Variants in RNLS observed in about 807,000 individuals in gnomAD.
RNLS encodes the protein renalase.
RNLS carries 39 observed loss-of-function variants against 39.8 expected under a neutral mutation model. That is an observed-to-expected ratio of 0.98 (90% CI 0.76 to 1.28). RNLS has a LOEUF of 1.28. Ranked by LOEUF, RNLS falls within the 50% of genes most tolerant of loss-of-function variation. RNLS has a pLI of 0.00. For synonymous variants in RNLS, 147 were observed against 150.7 expected (o/e 0.98, Z 0.18); for missense variants, 410 against 413.3 (o/e 0.99, Z 0.07).
chr10:88,258,146 T>C, the RNLS span, among the ~76,000 whole-genome samples: 1 of 152,072 alleles, frequency 6.6e-6, no homozygotes, highest in South Asian at 2.1e-4. Flanking sequence ...TAGATAAGGA[T>C]AGAGTTTTGA....
At chr10:88,278,313 G>A (rs143820431) in intron 6 of RNLS, among the ~76,000 whole-genome samples, 27 of 152,102 alleles carry the variant, frequency 1.8e-4, no homozygotes, top group Admixed American at 6.6e-4. Context: ...ATTATTTTCC[G>A]AAGGATAAAT....
chr10:88,337,040 G>A (rs1383366868), intron 5 of RNLS, among the ~76,000 whole-genome samples: 1 of 152,092 alleles, frequency 6.6e-6, no homozygotes, highest in Non-Finnish European at 1.5e-5. Context: ...CCTGAGAGAT[G>A]GGGCAGAGAG....
intron 5 of RNLS, among the ~76,000 whole-genome samples, chr10:88,342,927 C>T (rs1848056368): frequency 6.6e-6 from 1 of 152,154 alleles, no homozygotes; most frequent in South Asian, 2.1e-4. Flanking sequence ...AGAACACAGC[C>T]ACGCCCATTC....
intron 5 of RNLS, among the ~76,000 whole-genome samples, chr10:88,348,331 T>C (rs1275578056): frequency 1.3e-5 from 2 of 152,194 alleles, no homozygotes; most frequent in Non-Finnish European, 2.9e-5. Context: ...ATAGAAACTA[T>C]ACTCAGTCCC....
intron 4 of RNLS, among the ~76,000 whole-genome samples, chr10:88,548,974 T>C (rs541680789): frequency 6.6e-6 from 1 of 152,134 alleles, no homozygotes; most frequent in East Asian, 1.9e-4. Flanking sequence ...GTAATGTCTC[T>C]TATTTCACAT....
intron 5 of RNLS, among the ~76,000 whole-genome samples, chr10:88,351,684 C>A (rs377474292): frequency 1.3e-5 from 2 of 149,618 alleles, no homozygotes; most frequent in Non-Finnish European, 3.0e-5. Flanking sequence ...GCTTTGTTAG[C>A]AGGCTCTTTT....
the RNLS span, among the ~76,000 whole-genome samples, chr10:88,185,185 G>T: frequency 6.6e-6 from 1 of 152,116 alleles, no homozygotes; most frequent in African/African-American, 2.4e-5. Flanking sequence ...GGATCTGGAA[G>T]TACTGGATTT....
rs112741258 is a variant in RNLS at position 88,583,230 on chromosome 10, G to T, written c.-40C>A. 3.2e-4 allele frequency: 511 copies of T among 1,609,016 alleles called. 4 individuals carry two copies. In the African/African-American group the frequency reaches 5.7e-3, roughly 18 times the overall value. On this transcript the variant is annotated 5_prime_UTR_variant, in exon 1 of 7. Transcript: ENST00000331772. ...GCGATCCGCGCTGAGTCTCTGCGGC[G>T]GGGCCGTTCGGCCCGGGCTTTCTGG...
chr10:88,234,161 G>C, the RNLS span, among the ~76,000 whole-genome samples: 1 of 151,124 alleles, frequency 6.6e-6, no homozygotes, highest in South Asian at 2.1e-4. Flanking sequence ...TGGGAGCAGG[G>C]AGGGAGAAGG....
At chr10:88,405,317 T>C (rs1408759746) in intron 4 of RNLS, among the ~76,000 whole-genome samples, 1 of 152,020 alleles carries the variant, frequency 6.6e-6, no homozygotes, top group Non-Finnish European at 1.5e-5. Flanking sequence ...CCCTGAACTA[T>C]CATAATTATC....
chr10:88,293,066 CAA>C (rs1216159700), intron 6 of RNLS, among the ~76,000 whole-genome samples: 2 of 149,242 alleles, frequency 1.3e-5, no homozygotes, highest in Non-Finnish European at 3.0e-5. Context: ...TAACAAGAAA[CAA>C]AAAAAAAATT....
chr10:88,564,467 G>A (rs1338164287), intron 4 of RNLS, among the ~76,000 whole-genome samples: 1 of 152,076 alleles, frequency 6.6e-6, no homozygotes, highest in African/African-American at 2.4e-5. Context: ...ATAACTAGAA[G>A]TAAAACTAGG....
chr10:88,356,390 T>G (rs1426863544), intron 5 of RNLS, among the ~76,000 whole-genome samples: 1 of 152,322 alleles, frequency 6.6e-6, no homozygotes, highest in East Asian at 1.9e-4. Context: ...AGTGGACAAT[T>G]TTGTGTTATA....
intron 4 of RNLS, among the ~76,000 whole-genome samples, chr10:88,515,214 T>A (rs1426566397): frequency 6.6e-6 from 1 of 152,060 alleles, no homozygotes; most frequent in Non-Finnish European, 1.5e-5. Flanking sequence ...TCTATCTTGA[T>A]TTTAATATGA....
At chr10:88,535,259 C>T (rs568362798) in intron 4 of RNLS, among the ~76,000 whole-genome samples, 2 of 152,078 alleles carry the variant, frequency 1.3e-5, no homozygotes, top group East Asian at 3.9e-4. Flanking sequence ...GGAACAAACA[C>T]AAGTGTGTAA....
the RNLS span, among the ~76,000 whole-genome samples, chr10:88,228,585 G>T: frequency 3.9e-5 from 6 of 152,206 alleles, no homozygotes; most frequent in Non-Finnish European, 8.8e-5. Flanking sequence ...CCATAAGGAA[G>T]TGCCACTACT....
At chr10:88,384,555 A>G (rs936528316) in intron 4 of RNLS, among the ~76,000 whole-genome samples, 7 of 152,226 alleles carry the variant, frequency 4.6e-5, no homozygotes, top group Admixed American at 6.5e-5. Flanking sequence ...TCTCTACACT[A>G]TAAATTGAAA....
intron 6 of RNLS, among the ~76,000 whole-genome samples, chr10:88,304,778 T>C (rs1844803049): frequency 6.6e-6 from 1 of 152,158 alleles, no homozygotes; most frequent in African/African-American, 2.4e-5. Flanking sequence ...TTCAGGACAT[T>C]GTCCATGAGA....
intron 5 of RNLS, among the ~76,000 whole-genome samples, chr10:88,349,232 T>C (rs1420203498): frequency 1.3e-5 from 2 of 152,196 alleles, no homozygotes; most frequent in African/African-American, 2.4e-5. Flanking sequence ...TTGATTTCTA[T>C]AGTTAGCTGA....
Sources: gnomAD v4.1 joint callset for allele counts (sites outside exome capture counted in the v4.1 genomes callset) on GRCh38, gnomAD v4.1.1 for gene constraint, MANE v1.5 for transcripts, NCBI Gene and HGNC (gene_info 2026-07-23, HGNC 2026-07-21) for gene names.